The following PTPRT variants were observed in gnomAD, a reference collection of about 807,000 sequenced individuals.
PTPRT encodes the protein protein tyrosine phosphatase receptor type T, also known as receptor-type tyrosine-protein phosphatase T.
Under a neutral mutation model 176.8 loss-of-function variants are expected in PTPRT, and 56 were observed. That is an observed-to-expected ratio of 0.32 (90% CI 0.26 to 0.40). The LOEUF (loss-of-function observed/expected upper bound fraction) is 0.40, where lower values mean the gene tolerates loss of function less well. Among genes scored for constraint, PTPRT ranks in the 10% least tolerant of loss-of-function variants. PTPRT has a pLI of 1.00. For missense variants in PTPRT, 1,540 were observed against 1,908.2 expected (o/e 0.81, Z 3.60); for synonymous variants, 783 against 739.0 (o/e 1.06, Z -0.96).
chr20:42,826,183 C>G lies in PTPRT; in HGVS notation c.215-34717G>C, dbSNP rs200125683. On this transcript the variant is annotated intron_variant, in intron 2 of 30. Transcript: ENST00000373187. ...CGGGTGATCCACTGAAACCAACATACTGAGTGAAGACAGCATCCCCCAATT... is the reference window on the plus strand; with the variant it reads ...CGGGTGATCCACTGAAACCAACATAGTGAGTGAAGACAGCATCCCCCAATT... Among the ~76,000 whole-genome samples the G allele has an allele frequency of 1.7e-4, 26 of 152,172 alleles. No individual in the cohort carries two copies. The East Asian group carries it at 5.0e-3, about 30-fold the overall frequency.
chr20:42,095,473 G>C (rs1371584828), intron 27 of PTPRT, among the ~76,000 whole-genome samples: 1 of 152,186 alleles, frequency 6.6e-6, no homozygotes, highest in Non-Finnish European at 1.5e-5. Flanking sequence ...CCCTCTGCCT[G>C]TGATGCCCCC....
chr20:42,962,625 C>G (rs1174768781), intron 1 of PTPRT, among the ~76,000 whole-genome samples: 1 of 152,150 alleles, frequency 6.6e-6, no homozygotes, highest in Non-Finnish European at 1.5e-5. Context: ...GCTGAAAACG[C>G]TAATGATTAA....
rs371999348 is a variant in PTPRT at position 42,352,190 on chromosome 20, G to T, written c.1656C>A (p.Leu552=). The T allele has an allele frequency of 6.2e-7, 1 of 1,614,012 alleles. No homozygotes were observed. The highest frequency in any genetic ancestry group is 8.5e-7 in the Non-Finnish European group (1 of 1,179,970). Residue 552 remains leucine, a synonymous_variant, in exon 10 of 31, where the codon CTC becomes CTA. Coordinates refer to ENST00000373187, the MANE Select transcript of PTPRT (RefSeq NM_007050.6). The part of the protein sequence containing the change: ...VFKLRNETHH[L]FVGLYPGTTY... ...TGGTCCCTGGGTACAGACCCACAAA[G>T]AGGTGGTGGGTTTCATTCCGGAGCT...
chr20:43,092,526 T>C (rs2425584), intron 1 of PTPRT, among the ~76,000 whole-genome samples: 98,199 of 152,104 alleles, frequency 0.65, 32,241 homozygotes, highest in African/African-American at 0.69. Context: ...TAGCACTGCT[T>C]GCCAAATGTT....
At chr20:42,493,731 A>T (rs1444551886) in intron 7 of PTPRT, among the ~76,000 whole-genome samples, 2 of 151,406 alleles carry the variant, frequency 1.3e-5, no homozygotes, top group African/African-American at 2.5e-5. Flanking sequence ...ACATCCATCC[A>T]AAAGTTTTTT....
At chr20:42,345,241 C>A (rs917041949) in intron 11 of PTPRT, among the ~76,000 whole-genome samples, 31 of 151,944 alleles carry the variant, frequency 2.0e-4, no homozygotes, top group African/African-American at 7.2e-4. Context: ...ATATCTGGTG[C>A]TCAATGGCCA....
At chr20:42,538,850 C>G (rs779934403) in intron 7 of PTPRT, among the ~76,000 whole-genome samples, 2 of 152,182 alleles carry the variant, frequency 1.3e-5, no homozygotes, top group African/African-American at 4.8e-5. Context: ...CATACTCCCA[C>G]TCATTTCTCC....
chr20:42,115,370 G>T, intron 21 of PTPRT, 55 bp from the exon 22 acceptor site: 1 of 1,317,640 alleles, frequency 7.6e-7, no homozygotes, highest in Non-Finnish European at 1.1e-6. Context: ...GGATGCATAA[G>T]CACATGGCTG....
chr20:42,311,039 C>T (rs895216816), intron 12 of PTPRT, among the ~76,000 whole-genome samples: 1 of 152,180 alleles, frequency 6.6e-6, no homozygotes, highest in South Asian at 2.1e-4. Context: ...TCTTTATCCT[C>T]ATGCTGATAA....
intron 1 of PTPRT, among the ~76,000 whole-genome samples, chr20:43,131,209 G>T (rs1349910380): frequency 6.6e-6 from 1 of 152,222 alleles, no homozygotes; most frequent in Non-Finnish European, 1.5e-5. Context: ...CTTCCCATCA[G>T]ACTTGGTCCC....
chr20:42,876,006 A>G (rs2078923473), intron 2 of PTPRT, among the ~76,000 whole-genome samples: 1 of 152,176 alleles, frequency 6.6e-6, no homozygotes, highest in South Asian at 2.1e-4. Context: ...CTCTATTACT[A>G]TTACCACATA....
chr20:43,087,882 A>G (rs1297814530), intron 1 of PTPRT, among the ~76,000 whole-genome samples: 2 of 152,150 alleles, frequency 1.3e-5, no homozygotes, highest in African/African-American at 4.8e-5. Context: ...AGGACACTGA[A>G]GGCTGGGAAG....
At chr20:42,067,587 T>C in the PTPRT span, among the ~76,000 whole-genome samples, 115,408 of 152,062 alleles carry the variant, frequency 0.76, 44,089 homozygotes, top group South Asian at 0.84. Flanking sequence ...GTCTATTGGG[T>C]AGGCTCACCA....
At chr20:42,380,780 G>C (rs983979309) in intron 9 of PTPRT, among the ~76,000 whole-genome samples, 2 of 152,116 alleles carry the variant, frequency 1.3e-5, no homozygotes, top group African/African-American at 4.8e-5. Flanking sequence ...TACCTTAATT[G>C]GCTCATGGAG....
chr20:42,182,905 G>GGGGT (rs1555797571), intron 16 of PTPRT, among the ~76,000 whole-genome samples: 2 of 82,926 alleles, frequency 2.4e-5, no homozygotes, highest in Non-Finnish European at 4.9e-5. Flanking sequence ...CCTACAAGCA[G>GGGGT]GGGTGTGTGT....
rs10679474 is a variant in PTPRT, at chr20:42,746,627, G to GAA, written c.859+9833_859+9834dup. Among the ~76,000 whole-genome samples, 736 of 151,384 alleles carry GAA rather than the reference G, an allele frequency of 4.9e-3. 8 individuals carry two copies. Among genetic ancestry groups the GAA allele is most frequent in the African/African-American group, 0.017 (698 of 41,244 alleles). ...GTGTTCTTGACAATAGCAGTCATGG[G>GAA]AAAAAAAATGATGCAAGTATTATTA... On this transcript the variant is annotated intron_variant, in intron 6 of 30. Transcript: ENST00000373187.
At chr20:42,914,743 A>G (rs1163461349) in intron 1 of PTPRT, among the ~76,000 whole-genome samples, 2 of 152,220 alleles carry the variant, frequency 1.3e-5, no homozygotes, top group African/African-American at 4.8e-5. Context: ...TTGAAAAAAC[A>G]CATTATCAAT....
At chr20:42,733,177 G>A (rs929259142) in intron 6 of PTPRT, among the ~76,000 whole-genome samples, 4 of 152,144 alleles carry the variant, frequency 2.6e-5, no homozygotes, top group East Asian at 3.9e-4. Context: ...TGCAGATGAC[G>A]TGTACATTCT....
intron 1 of PTPRT, among the ~76,000 whole-genome samples, chr20:43,100,260 C>T (rs1200027415): frequency 6.6e-6 from 1 of 152,052 alleles, no homozygotes; most frequent in Non-Finnish European, 1.5e-5. Flanking sequence ...GCCTGTAATC[C>T]CCGCTACTCT....
Sources: allele counts gnomAD v4.1 joint callset (sites outside exome capture counted in the v4.1 genomes callset), GRCh38; gene constraint gnomAD v4.1.1; transcripts MANE v1.5; gene names NCBI Gene and HGNC (gene_info 2026-07-23, HGNC 2026-07-21).